ARFGEF1: variants seen among roughly 807,000 people sequenced by gnomAD.
The protein encoded by ARFGEF1 is brefeldin A-inhibited guanine nucleotide-exchange protein 1.
ARFGEF1 carries 42 observed loss-of-function variants against 231.0 expected under a neutral mutation model. The observed-to-expected ratio is 0.18, with a 90% CI of 0.14 to 0.24. The LOEUF is 0.24. Ranked by LOEUF, ARFGEF1 falls within the 10% of genes least tolerant of loss-of-function variation. The pLI is 1.00. For synonymous variants in ARFGEF1, 710 were observed against 732.3 expected (o/e 0.97, Z 0.49); for missense variants, 1,345 against 2,192.0 (o/e 0.61, Z 7.72).
chr8:67,287,350 G>A (rs1342830116), intron 7 of ARFGEF1, among the ~76,000 whole-genome samples: 1 of 152,154 alleles, frequency 6.6e-6, no homozygotes, highest in African/African-American at 2.4e-5. Context: ...TGAATTAAGA[G>A]AATCTGTATG....
chr8:67,232,974 G>A lies in ARFGEF1; in HGVS notation c.3290-29C>T, dbSNP rs775520504. Reference sequence around the variant, plus strand: ...CCACACATAAAAAAAAGTCATTTCAGTTTGAAAATAATTCAGTAGAAGAAT... The same window carrying A: ...CCACACATAAAAAAAAGTCATTTCAATTTGAAAATAATTCAGTAGAAGAAT... On this transcript the variant is annotated intron_variant, in intron 22 of 38. Transcript: ENST00000262215. 1.4e-5 allele frequency: 22 copies of A among 1,539,736 alleles called. No individual in the cohort carries two copies. The African/African-American group carries it at 1.8e-4, about 13-fold the overall frequency.
Position 67,190,641 on chromosome 8 carries a change from T to A in ARFGEF1, c.560+9755A>T, listed in dbSNP as rs753184305. 6.2e-7 allele frequency: 1 copy of A among 1,607,098 alleles called. No homozygotes were observed. Among genetic ancestry groups the A allele is most frequent in the African/African-American group, 1.3e-5 (1 of 74,836 alleles). On this transcript the variant is annotated intron_variant, in intron 5 of 5. Transcript: ENST00000518789. ...TTAAGACTCCTTCTGCTTTTCGGGGTCCTCTTAGGGGCTTACGGTGAGACA... is the reference window on the plus strand; with the variant it reads ...TTAAGACTCCTTCTGCTTTTCGGGGACCTCTTAGGGGCTTACGGTGAGACA...
chr8:67,200,325 G>A, intron 38 of ARFGEF1, 71 bp downstream of exon 38: 1 of 1,107,400 alleles, frequency 9.0e-7, no homozygotes, highest in Non-Finnish European at 1.4e-6. Flanking sequence ...TTGCACGGCG[G>A]CTCTGGGACC....
intron 1 of ARFGEF1, among the ~76,000 whole-genome samples, chr8:67,330,493 T>TA (rs1017726583): frequency 7.2e-5 from 11 of 151,988 alleles, no homozygotes; most frequent in Non-Finnish European, 1.3e-4. Flanking sequence ...TTGCAGTTAG[T>TA]AAAAAAAACA....
intron 6 of ARFGEF1, among the ~76,000 whole-genome samples, chr8:67,288,663 G>A (rs1011200124): frequency 6.6e-6 from 1 of 152,070 alleles, no homozygotes; most frequent in Non-Finnish European, 1.5e-5. Context: ...AACTCGGGAG[G>A]TAGAGGTTGC....
intron 2 of ARFGEF1, among the ~76,000 whole-genome samples, chr8:67,301,694 T>G (rs1806498029): frequency 1.3e-5 from 2 of 152,226 alleles, no homozygotes; most frequent in Admixed American, 1.3e-4. Context: ...TTTGGTATCA[T>G]AATACCTTAA....
At chr8:67,294,314 G>A (rs1484706215) in intron 5 of ARFGEF1, among the ~76,000 whole-genome samples, 1 of 152,132 alleles carries the variant, frequency 6.6e-6, no homozygotes, top group Non-Finnish European at 1.5e-5. Context: ...TAACCAGGAT[G>A]TGACGAATAC....
intron 1 of ARFGEF1, among the ~76,000 whole-genome samples, chr8:67,326,955 T>C (rs758339050): frequency 6.6e-6 from 1 of 152,214 alleles, no homozygotes; most frequent in Non-Finnish European, 1.5e-5. Flanking sequence ...AACAATTTCC[T>C]TCCTATTATT....
At position 67,249,505 on chromosome 8, in the gene ARFGEF1, A is replaced by G. The variant is rs1398132731; in HGVS notation, c.2850+1794T>C. On this transcript the variant is annotated intron_variant, in intron 19 of 38. Transcript: ENST00000262215. ...GATAGGCAGATATACAGATAGACAG[A>G]CGGATAGATAAATCTACAGATATAC... Among the ~76,000 whole-genome samples the G allele has an allele frequency of 1.3e-5, 2 of 150,732 alleles. 1 individual carries two copies.
In ARFGEF1 at chr8:67,261,830, CTTTTTT is replaced by C. The variant is rs34170422; in HGVS notation, c.2124-1910_2124-1905del. 4.2e-5 allele frequency among the ~76,000 whole-genome samples: 5 copies of C among 117,998 alleles called. No individual in the cohort carries two copies. In the East Asian group the frequency reaches 1.0e-3, roughly 24 times the overall value. The allele number at this position is 117,998 out of a possible 152,430, so 77.4% of individuals were successfully genotyped here. A position where few individuals can be genotyped will look rare whatever the true frequency, so the allele number is the denominator to read the frequency against. ...TCAGAAGTAACTCTGAATTTCAAGT[CTTTTTT>C]TTTTTTTTTTTTTTTTAAAGAAATG... On this transcript the variant is annotated intron_variant, in intron 14 of 38. Transcript: ENST00000262215.
chr8:67,324,353 A>G (rs1807732275), intron 1 of ARFGEF1, among the ~76,000 whole-genome samples: 1 of 152,164 alleles, frequency 6.6e-6, no homozygotes. Flanking sequence ...TTTCTTTGCC[A>G]AACTGTATTC....
At position 67,267,106 on chromosome 8, in the gene ARFGEF1, A is replaced by C. The variant is rs1345339693; in HGVS notation, c.1797T>G (p.Gly599=). The C allele has an allele frequency of 6.2e-7, 1 of 1,613,076 alleles. No individual in the cohort carries two copies. The highest frequency in any genetic ancestry group is 1.7e-5 in the Admixed American group (1 of 60,004). ...TAGTTCTTACCTGAACATTACTCAT[A>C]CCAAGTTCTTGACTGCCCCTTCCTT... ...IAQGRGSQEL[G]MSNVQELSLR... Residue 599 remains glycine (G), a synonymous_variant, in exon 12 of 39, where the codon GGT becomes GGG. Transcript: ENST00000262215.
chr8:67,204,894 C>T (rs1466115406), intron 34 of ARFGEF1, 75 bp from the exon 35 acceptor site: 1 of 1,547,138 alleles, frequency 6.5e-7, no homozygotes, highest in South Asian at 1.1e-5. Flanking sequence ...CATGATATTA[C>T]AATGCTAAGG....
At chr8:67,190,099 AAGATATGTCCACACAC>A (rs772746279) in intron 5 of ARFGEF1, among the ~76,000 whole-genome samples, 2 of 152,226 alleles carry the variant, frequency 1.3e-5, no homozygotes, top group Non-Finnish European at 2.9e-5. Flanking sequence ...AAGAAATGAG[AAGATATGTCCACACAC>A]AAAAACTTGA....
chr8:67,185,737 T>A (rs1184434503), intron 5 of ARFGEF1, among the ~76,000 whole-genome samples: 2 of 151,890 alleles, frequency 1.3e-5, no homozygotes, highest in African/African-American at 4.8e-5. Flanking sequence ...CTGAAGATGA[T>A]GAAGATGATG....
chr8:67,224,350 A>AT (rs1313852225), intron 29 of ARFGEF1, among the ~76,000 whole-genome samples: 1 of 152,186 alleles, frequency 6.6e-6, no homozygotes, highest in Non-Finnish European at 1.5e-5. Context: ...GTGTGTTAGC[A>AT]TTTGGCCAGT....
chr8:67,243,482 G>A (rs1484473820), intron 19 of ARFGEF1, among the ~76,000 whole-genome samples: 2 of 152,124 alleles, frequency 1.3e-5, no homozygotes, highest in Admixed American at 1.3e-4. Flanking sequence ...CACAAGAACA[G>A]CACGGGAAAA....
intron 29 of ARFGEF1, among the ~76,000 whole-genome samples, chr8:67,222,721 G>C (rs1417221093): frequency 6.6e-6 from 1 of 152,096 alleles, no homozygotes; most frequent in Non-Finnish European, 1.5e-5. Context: ...AAAGTGCTGG[G>C]ATTATAGGTA....
intron 1 of ARFGEF1, among the ~76,000 whole-genome samples, chr8:67,330,452 AC>A (rs756670264): frequency 3.3e-5 from 5 of 152,122 alleles, no homozygotes; most frequent in Non-Finnish European, 5.9e-5. Flanking sequence ...AAATACCTTC[AC>A]TTCATTTATT....
Sources: allele counts gnomAD v4.1 joint callset (sites outside exome capture counted in the v4.1 genomes callset), GRCh38; gene constraint gnomAD v4.1.1; transcripts MANE v1.5; gene names NCBI Gene and HGNC (gene_info 2026-07-23, HGNC 2026-07-21).